Variants in CDH12 observed in about 807,000 individuals in gnomAD.
CDH12 encodes the protein cadherin 12.
Under a neutral mutation model 74.1 loss-of-function variants are expected in CDH12, and 41 were observed. The observed-to-expected ratio is 0.55, with a 90% CI of 0.43 to 0.72. The LOEUF is 0.72. Among genes scored for constraint, CDH12 ranks in the 30% least tolerant of loss-of-function variants. The pLI is 0.00. For missense variants in CDH12, 945 were observed against 977.2 expected, an observed-to-expected ratio of 0.97 and a Z score of 0.44; for synonymous variants, 399 against 355.0, an observed-to-expected ratio of 1.12 and a Z score of -1.39.
intron 5 of CDH12, among the ~76,000 whole-genome samples, chr5:22,016,492 T>C (rs1462645661): frequency 6.6e-6 from 1 of 151,914 alleles, no homozygotes; most frequent in Non-Finnish European, 1.5e-5. Context: ...GCCTCCTGGG[T>C]TCAAGTGATT....
chr5:21,884,704 T>C (rs2150036996), intron 6 of CDH12, among the ~76,000 whole-genome samples: 1 of 152,264 alleles, frequency 6.6e-6, no homozygotes, highest in South Asian at 2.1e-4. Flanking sequence ...GTGAGAATAG[T>C]TGTGTACAAA....
At chr5:22,035,760 G>A (rs1580148054) in intron 5 of CDH12, among the ~76,000 whole-genome samples, 1 of 148,688 alleles carries the variant, frequency 6.7e-6, no homozygotes, top group East Asian at 2.0e-4. Context: ...ACTCCCCAGA[G>A]GAAGGTTTCC....
At chr5:21,878,781 GAAAA>G (rs1020404548) in intron 6 of CDH12, among the ~76,000 whole-genome samples, 8 of 66,240 alleles carry the variant, frequency 1.2e-4, no homozygotes, top group Non-Finnish European at 2.0e-4. Flanking sequence ...AGAAAAGAAA[GAAAA>G]AAAGAAAGAA....
At chr5:22,553,663 T>C (rs1447559662) in intron 1 of CDH12, among the ~76,000 whole-genome samples, 1 of 152,160 alleles carries the variant, frequency 6.6e-6, no homozygotes, top group Admixed American at 6.6e-5. Context: ...TAACAATGGA[T>C]AGTAAGACTA....
chr5:22,046,466 G>A (rs1276053198), intron 5 of CDH12, among the ~76,000 whole-genome samples: 3 of 128,562 alleles, frequency 2.3e-5, no homozygotes. Flanking sequence ...ACGGAGTCTC[G>A]CTGTCGCCCA....
chr5:21,890,074 T>C (rs1462305912), intron 6 of CDH12, among the ~76,000 whole-genome samples: 1 of 152,168 alleles, frequency 6.6e-6, no homozygotes, highest in African/African-American at 2.4e-5. Context: ...CTTAAATGAA[T>C]CAACTTCAGA....
At chr5:22,234,582 G>C (rs1580431892) in intron 3 of CDH12, among the ~76,000 whole-genome samples, 1 of 144,614 alleles carries the variant, frequency 6.9e-6, no homozygotes. Context: ...TTTTTGTTTT[G>C]CTTTTTTTTT....
At chr5:22,000,018 C>T (rs903520696) in intron 5 of CDH12, among the ~76,000 whole-genome samples, 4 of 152,000 alleles carry the variant, frequency 2.6e-5, no homozygotes, top group African/African-American at 4.8e-5. Flanking sequence ...TGTCTAGTTT[C>T]TTTTTCCCAT....
chr5:22,618,037 C>T (rs1737776728), intron 1 of CDH12, among the ~76,000 whole-genome samples: 1 of 152,080 alleles, frequency 6.6e-6, no homozygotes, highest in East Asian at 1.9e-4. Context: ...CAACCAGTCT[C>T]TCCAGTTTGC....
chr5:22,820,751 C>T (rs1749655197), intron 1 of CDH12, among the ~76,000 whole-genome samples: 1 of 151,984 alleles, frequency 6.6e-6, no homozygotes, highest in South Asian at 2.1e-4. Flanking sequence ...AATAACTTAC[C>T]AATCAAAAAA....
intron 1 of CDH12, among the ~76,000 whole-genome samples, chr5:22,743,799 G>A (rs1029662378): frequency 5.3e-5 from 8 of 151,414 alleles, no homozygotes; most frequent in African/African-American, 1.9e-4. Flanking sequence ...TAAAACTGTC[G>A]AAGTCTTCAA....
chr5:22,103,869 A>G (rs1744283681), intron 4 of CDH12, among the ~76,000 whole-genome samples: 1 of 152,242 alleles, frequency 6.6e-6, no homozygotes, highest in Non-Finnish European at 1.5e-5. Flanking sequence ...TAATGACACT[A>G]TGTAAGTAAA....
intron 14 of CDH12, among the ~76,000 whole-genome samples, chr5:21,754,473 T>C (rs1467036014): frequency 6.6e-6 from 1 of 152,170 alleles, no homozygotes; most frequent in East Asian, 1.9e-4. Flanking sequence ...AGGGATAATT[T>C]ATTATGAATT....
At chr5:22,460,682 T>A (rs1023197316) in intron 2 of CDH12, among the ~76,000 whole-genome samples, 1 of 150,898 alleles carries the variant, frequency 6.6e-6, no homozygotes, top group Non-Finnish European at 1.5e-5. Flanking sequence ...ATTATGCAAC[T>A]TTTCTAGAGA....
At chr5:22,502,263 G>C (rs1435869693) in intron 2 of CDH12, among the ~76,000 whole-genome samples, 1 of 151,968 alleles carries the variant, frequency 6.6e-6, no homozygotes. Context: ...CATGAGATCT[G>C]GTGGTTTTAT....
chr5:22,695,978 G>T (rs1167178811), intron 1 of CDH12, among the ~76,000 whole-genome samples: 5 of 151,852 alleles, frequency 3.3e-5, no homozygotes, highest in African/African-American at 4.8e-5. Context: ...ACCAACACTG[G>T]TTCTTTTCAG....
chr5:21,876,319 CA>C (rs1751937824), intron 6 of CDH12, among the ~76,000 whole-genome samples: 1 of 152,188 alleles, frequency 6.6e-6, no homozygotes, highest in South Asian at 2.1e-4. Context: ...GCATTCTTTA[CA>C]GACTCTTTTT....
intron 4 of CDH12, among the ~76,000 whole-genome samples, chr5:22,103,748 T>C (rs1018056409): frequency 7.2e-5 from 11 of 152,262 alleles, no homozygotes; most frequent in African/African-American, 2.4e-4. Context: ...CATAGTACTT[T>C]CATTTCTCAT....
intron 1 of CDH12, among the ~76,000 whole-genome samples, chr5:22,571,599 T>A (rs967610005): frequency 6.6e-6 from 1 of 152,244 alleles, no homozygotes; most frequent in African/African-American, 2.4e-5. Context: ...AGTGCTGGGA[T>A]TACAGGCATG....
Sources: allele counts gnomAD v4.1 joint callset (sites outside exome capture counted in the v4.1 genomes callset), GRCh38; gene constraint gnomAD v4.1.1; transcripts MANE v1.5; gene names NCBI Gene and HGNC (gene_info 2026-07-23, HGNC 2026-07-21).